The following UGP2 variants were observed in gnomAD, a reference collection of about 807,000 sequenced individuals.
The protein encoded by UGP2 is UTP--glucose-1-phosphate uridylyltransferase.
UGP2 carries 40 observed loss-of-function variants against 49.0 expected under a neutral mutation model. The ratio of observed to expected loss-of-function variants is 0.82; its 90% CI spans 0.63 to 1.06. The LOEUF is 1.06. UGP2 is among the 50% of genes least tolerant of loss of function. The probability of loss-of-function intolerance (pLI) is 0.00; values close to 1 mark genes in which losing one functional copy is unlikely to be tolerated. For missense variants in UGP2, 460 were observed against 603.5 expected (o/e 0.76, Z 2.49); for synonymous variants, 225 against 213.0 (o/e 1.06, Z -0.49).
chr2:63,857,190 A>G (rs1558939116), intron 2 of UGP2, among the ~76,000 whole-genome samples: 2 of 151,844 alleles, frequency 1.3e-5, no homozygotes, highest in Non-Finnish European at 2.9e-5. Flanking sequence ...GGTCCCAGCT[A>G]CTGGGGAGGC....
chr2:63,847,818 T>C (rs1402946452), intron 1 of UGP2, among the ~76,000 whole-genome samples: 1 of 152,188 alleles, frequency 6.6e-6, no homozygotes, highest in East Asian at 1.9e-4. Flanking sequence ...CATATTCACT[T>C]CTTTTGTGAT....
intron 3 of UGP2, among the ~76,000 whole-genome samples, chr2:63,878,360 A>C (rs141344782): frequency 1.0e-3 from 157 of 152,262 alleles, no homozygotes; most frequent in South Asian, 2.7e-3. Context: ...CCTATTTGTC[A>C]CTGATAATTG....
intron 1 of UGP2, among the ~76,000 whole-genome samples, chr2:63,844,047 A>G (rs559383976): frequency 6.6e-6 from 1 of 152,206 alleles, no homozygotes; most frequent in Non-Finnish European, 1.5e-5. Flanking sequence ...GGCATATGCC[A>G]TAGCCTATAG....
chr2:63,863,646 G>C (rs1669994613), intron 3 of UGP2, among the ~76,000 whole-genome samples: 2 of 152,190 alleles, frequency 1.3e-5, no homozygotes, highest in African/African-American at 4.8e-5. Context: ...TTACAAAAAA[G>C]TTGCAAAGAT....
At chr2:63,861,172 A>G (rs1324816275) in intron 3 of UGP2, among the ~76,000 whole-genome samples, 1 of 151,986 alleles carries the variant, frequency 6.6e-6, no homozygotes, top group Admixed American at 6.5e-5. Flanking sequence ...ATTTTTATAT[A>G]TATATAAAGG....
At chr2:63,883,937 C>G (rs746151684) in intron 4 of UGP2, 23 bp from the exon 5 acceptor site, 47 of 1,589,184 alleles carry the variant, frequency 3.0e-5, no homozygotes, top group Non-Finnish European at 3.9e-5. Flanking sequence ...TCTGGGTAAT[C>G]TAATTGTCAT....
chr2:63,855,520 G>GTTTTTTTTTT (rs372160888), intron 1 of UGP2: 139 of 194,262 alleles, frequency 7.2e-4, no homozygotes, highest in South Asian at 1.1e-3. Context: ...TTCTTTTTCT[G>GTTTTTTTTTT]TTTTTTTTTT....
intron 1 of UGP2, among the ~76,000 whole-genome samples, chr2:63,849,836 C>T (rs1668923256): frequency 6.6e-6 from 1 of 152,166 alleles, no homozygotes; most frequent in Non-Finnish European, 1.5e-5. Flanking sequence ...TTCTTTATCT[C>T]CAAAATAAGG....
intron 3 of UGP2, among the ~76,000 whole-genome samples, chr2:63,879,132 A>G (rs1671125523): frequency 6.6e-6 from 1 of 152,176 alleles, no homozygotes; most frequent in Non-Finnish European, 1.5e-5. Flanking sequence ...ATGTTAGTAT[A>G]CCAAACATTT....
Position 63,880,907 on chromosome 2 carries a change from CTCTTA to C in UGP2, c.256-1554_256-1550del, listed in dbSNP as rs562393524. On this transcript the variant is annotated intron_variant, in intron 3 of 9. Transcript: ENST00000337130. Reference sequence around the variant, plus strand: ...GGAGTGCCCACAGGCCTGTCCCCTCCTCTTATCTTTTCTGTAACCAGCCCTTATTT... The same window carrying C: ...GGAGTGCCCACAGGCCTGTCCCCTCCTCTTTTCTGTAACCAGCCCTTATTT... Among the ~76,000 whole-genome samples the C allele has an allele frequency of 2.1e-3, 323 of 152,260 alleles. 1 individual carries two copies. Among genetic ancestry groups the C allele is most frequent in the Non-Finnish European group, 3.1e-3 (208 of 68,022 alleles).
intron 3 of UGP2, among the ~76,000 whole-genome samples, chr2:63,875,540 A>T (rs1035260214): frequency 3.5e-4 from 54 of 152,356 alleles, no homozygotes; most frequent in African/African-American, 1.2e-3. Flanking sequence ...AGATAGTTTT[A>T]AAAAGATCTT....
At chr2:63,859,448 G>T (rs1261329248) in intron 3 of UGP2, among the ~76,000 whole-genome samples, 4 of 152,092 alleles carry the variant, frequency 2.6e-5, no homozygotes, top group Non-Finnish European at 4.4e-5. Context: ...GTTTTTTTCA[G>T]TGGAGAAATC....
intron 4 of UGP2, 24 bp downstream of exon 4, chr2:63,882,675 A>G: frequency 6.8e-7 from 1 of 1,474,360 alleles, no homozygotes; most frequent in Admixed American, 2.1e-5. Flanking sequence ...AGCCTTTCTC[A>G]TGAGATACTA....
intron 3 of UGP2, among the ~76,000 whole-genome samples, chr2:63,863,542 G>C (rs1219560366): frequency 6.6e-6 from 1 of 152,160 alleles, no homozygotes. Flanking sequence ...GAAATAAAAT[G>C]CTGTAAGTAG....
At chr2:63,891,048 A>G (rs2104378146) in intron 9 of UGP2, 72 bp from the exon 10 acceptor site, 2 of 1,308,094 alleles carry the variant, frequency 1.5e-6, no homozygotes, top group Non-Finnish European at 2.1e-6. Context: ...TTGTACATAA[A>G]CTTGATCACT....
intron 3 of UGP2, among the ~76,000 whole-genome samples, chr2:63,863,529 G>T (rs1278756228): frequency 6.6e-6 from 1 of 152,114 alleles, no homozygotes; most frequent in Admixed American, 6.6e-5. Flanking sequence ...ATATCAAGAG[G>T]AAGAAATAAA....
At chr2:63,857,778 A>G in intron 2 of UGP2, 51 bp from the exon 3 acceptor site, 1 of 1,496,906 alleles carries the variant, frequency 6.7e-7, no homozygotes, top group Non-Finnish European at 9.2e-7. Flanking sequence ...TTATGTTTTT[A>G]TTAAATATTA....
chr2:63,890,944 A>G (rs1171213362), intron 9 of UGP2, among the ~76,000 whole-genome samples, 176 bp from the exon 10 acceptor site: 1 of 152,208 alleles, frequency 6.6e-6, no homozygotes, highest in Non-Finnish European at 1.5e-5. Context: ...GGATTGTTAC[A>G]GAAGGACACA....
chr2:63,843,326 A>G (rs1671709610), intron 1 of UGP2, among the ~76,000 whole-genome samples: 1 of 152,256 alleles, frequency 6.6e-6, no homozygotes, highest in Non-Finnish European at 1.5e-5. Flanking sequence ...TTAGACTTTC[A>G]AATTCATGTT....
Sources: gnomAD v4.1 joint callset for allele counts (sites outside exome capture counted in the v4.1 genomes callset) on GRCh38, gnomAD v4.1.1 for gene constraint, MANE v1.5 for transcripts, NCBI Gene and HGNC (gene_info 2026-07-23, HGNC 2026-07-21) for gene names.